The following VIT variants were observed in gnomAD, a reference collection of about 807,000 sequenced individuals.
VIT encodes vitrin.
Under a neutral mutation model 78.0 loss-of-function variants are expected in VIT, and 99 were observed. The ratio of observed to expected loss-of-function variants is 1.27; its 90% confidence interval spans 1.08 to 1.50. The LOEUF (loss-of-function observed/expected upper bound fraction) is 1.50. Ranked by LOEUF, VIT falls within the 40% of genes most tolerant of loss-of-function variation. The pLI, the probability that VIT is intolerant of heterozygous loss-of-function variation, is 0.00. For synonymous variants in VIT, 374 were observed against 334.3 expected (o/e 1.12, Z -1.29); for missense variants, 1,126 against 875.3 (o/e 1.29, Z -3.61).
chr2:36,712,312 G>A (rs764344952), intron 1 of VIT, among the ~76,000 whole-genome samples: 21 of 152,176 alleles, frequency 1.4e-4, no homozygotes, highest in Non-Finnish European at 2.8e-4. Context: ...CAACACTTGG[G>A]TGAGATCGCG....
intron 12 of VIT, among the ~76,000 whole-genome samples, chr2:36,797,229 A>G (rs1282892692): frequency 6.6e-6 from 1 of 152,168 alleles, no homozygotes; most frequent in East Asian, 1.9e-4. Context: ...AATGACAAAT[A>G]CTGTACACAA....
chr2:36,805,453 T>C lies in VIT; in HGVS notation c.1178T>C (p.Phe393Ser), dbSNP rs138286531. The C allele has an allele frequency of 4.3e-6, 7 of 1,611,590 alleles. No individual in the cohort carries two copies. The East Asian group carries it at 6.7e-5, about 15-fold the overall frequency. The change falls in exon 14 of 16, where the codon TTT becomes TCT. Residue 393 changes from phenylalanine to serine, a missense_variant. Phe to Ser is a radical substitution (Grantham distance 155, BLOSUM62 -2). Transcript: ENST00000379242. ...TTTCTTCCAGGTCGGGCCATCTCCT[T>C]TGTGACCAAGAACTTCTTTTCCAAA... Reference protein sequence around the residue: ...GLSNVGRAISFVTKNFFSKAN... With the variant: ...GLSNVGRAISSVTKNFFSKAN...
At chr2:36,804,538 A>T (rs944669328) in intron 13 of VIT, among the ~76,000 whole-genome samples, 1 of 152,206 alleles carries the variant, frequency 6.6e-6, no homozygotes, top group Non-Finnish European at 1.5e-5. Context: ...TTCTGTTCGC[A>T]TGAAAGTCTT....
intron 14 of VIT, among the ~76,000 whole-genome samples, chr2:36,807,105 G>A (rs920032587): frequency 1.1e-4 from 16 of 151,872 alleles, no homozygotes; most frequent in African/African-American, 2.7e-4. Flanking sequence ...TCTTTCCCTC[G>A]CCTGACGCCC....
At chr2:36,774,698 G>C in intron 8 of VIT, 1 of 985,386 alleles carries the variant, frequency 1.0e-6, no homozygotes, top group Non-Finnish European at 1.2e-6. Context: ...ACATGCTGTT[G>C]TCCTGGACAA....
intron 2 of VIT, among the ~76,000 whole-genome samples, chr2:36,717,551 T>A (rs181575678): frequency 6.7e-4 from 102 of 152,210 alleles, no homozygotes; most frequent in Middle Eastern, 3.4e-3. Context: ...ATGATTTTTT[T>A]AAAAAGAATC....
In VIT at chr2:36,805,568, TG is replaced by T; in HGVS notation, c.1294del (p.Ala432ArgfsTer59). 6.2e-7 allele frequency: 1 copy of T among 1,614,112 alleles called. No homozygotes were observed. Among genetic ancestry groups the T allele is most frequent in the Non-Finnish European group, 8.5e-7 (1 of 1,180,010 alleles). On this transcript the variant is annotated frameshift_variant, in exon 14 of 16. Coordinates refer to ENST00000379242, the MANE Select transcript of VIT (RefSeq NM_053276.4). LOFTEE classifies it high-confidence loss of function. ...TDKVEEASRL[A>X]RESGINIFFI... ...ACAAAGTGGAGGAGGCTTCAAGACT[TG>T]CGAGAGAGTCAGGAATCAACATTTT...
At chr2:36,731,843 G>C (rs1334459280) in intron 3 of VIT, among the ~76,000 whole-genome samples, 1 of 152,114 alleles carries the variant, frequency 6.6e-6, no homozygotes, top group Non-Finnish European at 1.5e-5. Context: ...CTTTCTTATA[G>C]GCATTAAATT....
chr2:36,723,490 A>G (rs2148468027), intron 2 of VIT, among the ~76,000 whole-genome samples: 1 of 152,284 alleles, frequency 6.6e-6, no homozygotes, highest in East Asian at 1.9e-4. Context: ...TATGTTCCAT[A>G]TTTACTAGCA....
chr2:36,716,239 CG>C, intron 1 of VIT, 113 bp from the exon 2 acceptor site: 3 of 733,254 alleles, frequency 4.1e-6, no homozygotes, highest in Non-Finnish European at 6.8e-6. Flanking sequence ...AGCCTGGAAT[CG>C]TAAGACTCCA....
At chr2:36,752,523 C>A (rs911827961) in intron 4 of VIT, among the ~76,000 whole-genome samples, 3 of 152,188 alleles carry the variant, frequency 2.0e-5, no homozygotes, top group African/African-American at 7.2e-5. Flanking sequence ...GTTTGCTTTT[C>A]CAGAGAATAT....
At position 36,808,510 on chromosome 2, in the gene VIT, G is replaced by A. The variant is rs1358426705; in HGVS notation, c.1428G>A (p.Val476=). The change falls in exon 15 of 16, where the codon GTG becomes GTA. Residue 476 remains valine (V), a synonymous_variant. Coordinates refer to ENST00000379242, the MANE Select transcript of VIT (RefSeq NM_053276.4). ...CAAACGGCTTCTACTCGCTCCACGT[G>A]CAGAGCTGGTTTGGCCTCCACAAGA... The part of the protein sequence containing the change: ...CRTNGFYSLH[V]QSWFGLHKTL... 5 of 1,613,082 alleles carry A rather than the reference G, an allele frequency of 3.1e-6. No homozygotes were observed. The East Asian group carries it at 1.1e-4, about 36-fold the overall frequency.
intron 3 of VIT, among the ~76,000 whole-genome samples, chr2:36,729,744 G>C (rs983199559): frequency 2.0e-5 from 3 of 152,142 alleles, no homozygotes; most frequent in African/African-American, 7.2e-5. Flanking sequence ...CACATACAAA[G>C]ACCAGGCAAC....
chr2:36,727,177 G>A (rs1666907213), intron 2 of VIT, among the ~76,000 whole-genome samples: 1 of 151,926 alleles, frequency 6.6e-6, no homozygotes, highest in Non-Finnish European at 1.5e-5. Context: ...ATTGTGATGA[G>A]TGTCCTTCTT....
intron 3 of VIT, among the ~76,000 whole-genome samples, chr2:36,735,000 C>A (rs890143268): frequency 5.3e-5 from 8 of 151,978 alleles, no homozygotes; most frequent in African/African-American, 1.9e-4. Context: ...CCCGTCTCTA[C>A]TAAAAATATA....
At chr2:36,791,822 A>G in intron 12 of VIT, among the ~76,000 whole-genome samples, 1 of 152,218 alleles carries the variant, frequency 6.6e-6, no homozygotes, top group Non-Finnish European at 1.5e-5. Context: ...GGAACTCTCA[A>G]CTAAGTTTGT....
At chr2:36,789,804 T>C (rs1344199977) in intron 12 of VIT, among the ~76,000 whole-genome samples, 3 of 152,162 alleles carry the variant, frequency 2.0e-5, no homozygotes, top group Non-Finnish European at 4.4e-5. Flanking sequence ...CTTTGTGTTG[T>C]AGTGAGGAAA....
chr2:36,712,546 G>A (rs1247770444), intron 1 of VIT, among the ~76,000 whole-genome samples: 1 of 149,392 alleles, frequency 6.7e-6, no homozygotes, highest in African/African-American at 2.5e-5. Flanking sequence ...GCCATTTAAA[G>A]TGTATAATTT....
At chr2:36,810,644 T>A (rs2148687145) in intron 15 of VIT, among the ~76,000 whole-genome samples, 1 of 152,000 alleles carries the variant, frequency 6.6e-6, no homozygotes, top group Non-Finnish European at 1.5e-5. Context: ...TTTTTTTTTT[T>A]TTTTTCTGAG....
Sources: allele counts gnomAD v4.1 joint callset (sites outside exome capture counted in the v4.1 genomes callset), GRCh38; gene constraint gnomAD v4.1.1; transcripts MANE v1.5; gene names NCBI Gene and HGNC (gene_info 2026-07-23, HGNC 2026-07-21).